Variants in SH3GL2 observed in about 807,000 individuals in gnomAD.
SH3GL2 encodes SH3 domain containing GRB2 like 2, endophilin A1.
A neutral mutation model predicts 46.0 loss-of-function variants in SH3GL2; 24 were observed. That is an observed-to-expected ratio of 0.52 (90% CI 0.38 to 0.73). The LOEUF (loss-of-function observed/expected upper bound fraction) is 0.73, where lower values mean the gene tolerates loss of function less well. SH3GL2 is among the 30% of genes least tolerant of loss of function. The probability of loss-of-function intolerance (pLI) is 0.00; values close to 1 mark genes in which losing one functional copy is unlikely to be tolerated. For synonymous variants in SH3GL2, 196 were observed against 147.1 expected (o/e 1.33, Z -2.40); for missense variants, 413 against 424.2 (o/e 0.97, Z 0.23).
intron 1 of SH3GL2, among the ~76,000 whole-genome samples, chr9:17,599,839 AT>A (rs1052488118): frequency 4.6e-5 from 7 of 151,832 alleles, no homozygotes; most frequent in East Asian, 3.9e-4. Context: ...TTTTCTTAAA[AT>A]TTTTTTTGAT....
At chr9:17,677,036 T>C (rs986388254) in intron 1 of SH3GL2, among the ~76,000 whole-genome samples, 2 of 152,164 alleles carry the variant, frequency 1.3e-5, no homozygotes, top group Non-Finnish European at 2.9e-5. Context: ...TGGCCTGCCC[T>C]CATGGGACCA....
chr9:17,684,524 G>A (rs1196674066), intron 1 of SH3GL2, among the ~76,000 whole-genome samples: 1 of 152,056 alleles, frequency 6.6e-6, no homozygotes, highest in South Asian at 2.1e-4. Context: ...AGTCAATAGT[G>A]TGGTATAAAA....
chr9:17,716,714 G>A (rs1821770303), intron 1 of SH3GL2, among the ~76,000 whole-genome samples: 1 of 152,086 alleles, frequency 6.6e-6, no homozygotes, highest in African/African-American at 2.4e-5. Context: ...CTGGTATGCT[G>A]TCCTGAAAAT....
chr9:17,777,408 A>C (rs542278533), intron 3 of SH3GL2, among the ~76,000 whole-genome samples: 1 of 152,318 alleles, frequency 6.6e-6, no homozygotes, highest in South Asian at 2.1e-4. Flanking sequence ...AGTTTGTTAA[A>C]ATAATCAAGT....
At chr9:17,729,744 C>T (rs1002334384) in intron 1 of SH3GL2, among the ~76,000 whole-genome samples, 1 of 152,104 alleles carries the variant, frequency 6.6e-6, no homozygotes, top group African/African-American at 2.4e-5. Flanking sequence ...TTGTTTTTGT[C>T]AGGTTTGTCA....
intron 2 of SH3GL2, among the ~76,000 whole-genome samples, chr9:17,747,788 C>A (rs1002613291): frequency 4.6e-5 from 7 of 152,118 alleles, no homozygotes; most frequent in Non-Finnish European, 2.9e-5. Flanking sequence ...GATCTCCTGC[C>A]TCAGCTCCCT....
intron 1 of SH3GL2, among the ~76,000 whole-genome samples, chr9:17,734,447 T>C (rs1822268294): frequency 6.6e-6 from 1 of 152,134 alleles, no homozygotes; most frequent in Non-Finnish European, 1.5e-5. Flanking sequence ...TCACATAATT[T>C]CGTGTATAAC....
intron 3 of SH3GL2, among the ~76,000 whole-genome samples, chr9:17,772,547 A>G (rs1248338831): frequency 6.6e-6 from 1 of 152,150 alleles, no homozygotes; most frequent in Non-Finnish European, 1.5e-5. Context: ...TTCTGGCTCT[A>G]TGATTTTAAT....
intron 1 of SH3GL2, among the ~76,000 whole-genome samples, chr9:17,706,711 T>C (rs1299466314): frequency 1.3e-5 from 2 of 152,084 alleles, no homozygotes; most frequent in Admixed American, 6.6e-5. Flanking sequence ...CTCCTGGCTT[T>C]AGACATCTTA....
intron 1 of SH3GL2, among the ~76,000 whole-genome samples, chr9:17,657,822 A>G (rs1820125006): frequency 6.6e-6 from 1 of 152,246 alleles, no homozygotes; most frequent in Non-Finnish European, 1.5e-5. Context: ...TTTCTGGCAT[A>G]CAGTAAATAT....
intron 1 of SH3GL2, among the ~76,000 whole-genome samples, chr9:17,675,456 G>A (rs1490083882): frequency 2.0e-5 from 3 of 152,068 alleles, no homozygotes; most frequent in Non-Finnish European, 4.4e-5. Flanking sequence ...AATATTACAG[G>A]CATTTATGTA....
chr9:17,592,025 A>T (rs1210955333), intron 1 of SH3GL2, among the ~76,000 whole-genome samples: 1 of 152,226 alleles, frequency 6.6e-6, no homozygotes, highest in African/African-American at 2.4e-5. Context: ...GAATTGGCTC[A>T]TGTGATTATG....
chr9:17,678,993 C>T (rs1365636597), intron 1 of SH3GL2, among the ~76,000 whole-genome samples: 1 of 152,030 alleles, frequency 6.6e-6, no homozygotes, highest in South Asian at 2.1e-4. Flanking sequence ...TGGTCTATAT[C>T]TCTATTTTGG....
intron 1 of SH3GL2, among the ~76,000 whole-genome samples, chr9:17,681,504 A>T (rs746288350): frequency 1.3e-5 from 2 of 152,192 alleles, no homozygotes; most frequent in African/African-American, 2.4e-5. Flanking sequence ...CTTAATATGC[A>T]GAACACTGAA....
intron 4 of SH3GL2, 76 bp from the exon 5 acceptor site, chr9:17,787,304 A>G (rs1823988127): frequency 8.2e-6 from 10 of 1,223,198 alleles, no homozygotes; most frequent in African/African-American, 1.5e-5. Context: ...TTGGGTTTTC[A>G]TCTGTGAAGG....
At chr9:17,624,597 A>T (rs1242832692) in intron 1 of SH3GL2, among the ~76,000 whole-genome samples, 1 of 152,172 alleles carries the variant, frequency 6.6e-6, no homozygotes, top group Non-Finnish European at 1.5e-5. Context: ...ACTGTACTCA[A>T]TTTGAGCCCT....
At chr9:17,769,590 T>C (rs1021652455) in intron 3 of SH3GL2, among the ~76,000 whole-genome samples, 1 of 152,128 alleles carries the variant, frequency 6.6e-6, no homozygotes, top group African/African-American at 2.4e-5. Context: ...TAATGTCTGC[T>C]GCTCCTCATC....
At chr9:17,691,749 A>T (rs1821084534) in intron 1 of SH3GL2, among the ~76,000 whole-genome samples, 1 of 152,144 alleles carries the variant, frequency 6.6e-6, no homozygotes, top group Non-Finnish European at 1.5e-5. Context: ...CACTAACAAT[A>T]TAGATTATAG....
chr9:17,662,671 A>G (rs140728701), intron 1 of SH3GL2, among the ~76,000 whole-genome samples: 190 of 151,370 alleles, frequency 1.3e-3, no homozygotes, highest in African/African-American at 4.4e-3. Flanking sequence ...CAGCACATGT[A>G]AAAATACATG....
Sources: gnomAD v4.1 joint callset for allele counts (sites outside exome capture counted in the v4.1 genomes callset) on GRCh38, gnomAD v4.1.1 for gene constraint, MANE v1.5 for transcripts, NCBI Gene and HGNC (gene_info 2026-07-23, HGNC 2026-07-21) for gene names.